The following PCDHA3 variants were observed in gnomAD, a reference collection of about 807,000 sequenced individuals.
PCDHA3 encodes protocadherin alpha-3.
In PCDHA3, 41 loss-of-function variants were observed where a neutral mutation model predicts 62.2. The observed-to-expected ratio is 0.66, with a 90% confidence interval of 0.51 to 0.86. The LOEUF (loss-of-function observed/expected upper bound fraction) is 0.86, where lower values mean the gene tolerates loss of function less well. Ranked by LOEUF, PCDHA3 falls within the 40% of genes least tolerant of loss-of-function variation. The pLI is 0.00. For synonymous variants in PCDHA3, 640 were observed against 555.4 expected (o/e 1.15, Z -2.14); for missense variants, 1,304 against 1,241.2 (o/e 1.05, Z -0.76).
chr5:140,877,719 T>G (rs782112072), intron 1 of PCDHA3: 2 of 1,614,102 alleles, frequency 1.2e-6, no homozygotes, highest in South Asian at 1.1e-5. Context: ...GGAGTTGGTC[T>G]TACTCGCAGC....
chr5:140,806,966 G>T, intron 1 of PCDHA3: 2 of 604,288 alleles, frequency 3.3e-6, no homozygotes. Flanking sequence ...TTCCACAATT[G>T]CTACTTACGG....
chr5:140,913,167 T>C (rs1232000053), intron 1 of PCDHA3, among the ~76,000 whole-genome samples: 1 of 152,196 alleles, frequency 6.6e-6, no homozygotes, highest in Non-Finnish European at 1.5e-5. Flanking sequence ...TTGGTATTAG[T>C]TCTTCTTTAA....
At chr5:140,989,928 A>T (rs2097366853) in intron 3 of PCDHA3, among the ~76,000 whole-genome samples, 1 of 152,032 alleles carries the variant, frequency 6.6e-6, no homozygotes, top group African/African-American at 2.4e-5. Context: ...GCAGAGATAG[A>T]TGACATTCCA....
chr5:140,972,660 AT>A (rs11350929), intron 1 of PCDHA3, among the ~76,000 whole-genome samples: 34,850 of 117,234 alleles, frequency 0.3, 4,025 homozygotes, highest in East Asian at 0.43. Context: ...AAGAAACCAA[AT>A]TTTTTTTTTT....
At chr5:140,829,826 G>A (rs2150175496) in intron 1 of PCDHA3, 2 of 1,613,796 alleles carry the variant, frequency 1.2e-6, no homozygotes, top group South Asian at 1.1e-5. Context: ...TGCAGTGAGC[G>A]AGCTGGTGCC....
At chr5:140,832,345 G>T (rs2150201218) in intron 1 of PCDHA3, among the ~76,000 whole-genome samples, 1,544 of 152,284 alleles carry the variant, frequency 0.01, 30 homozygotes, top group African/African-American at 0.036. Context: ...GTTGTGGTTT[G>T]TGTTTCCTAA....
chr5:140,962,870 T>C (rs558640798), intron 1 of PCDHA3, among the ~76,000 whole-genome samples: 1 of 152,306 alleles, frequency 6.6e-6, no homozygotes, highest in Admixed American at 6.5e-5. Context: ...TAGAGCAACA[T>C]AAATACATGA....
intron 1 of PCDHA3, among the ~76,000 whole-genome samples, chr5:140,903,821 A>G (rs2153482193): frequency 6.6e-6 from 1 of 152,320 alleles, no homozygotes. Context: ...TCTCACATGA[A>G]TGTCTGTTGG....
intron 1 of PCDHA3, among the ~76,000 whole-genome samples, chr5:140,937,575 T>C (rs111558133): frequency 1.8e-3 from 268 of 149,140 alleles, no homozygotes; most frequent in African/African-American, 6.4e-3. Context: ...TGGGATCGCG[T>C]CACTGCACTC....
intron 3 of PCDHA3, among the ~76,000 whole-genome samples, chr5:140,992,231 G>C (rs1234271245): frequency 1.3e-5 from 2 of 152,176 alleles, no homozygotes; most frequent in African/African-American, 4.8e-5. Context: ...CCTGGGAAGA[G>C]TAAGGAAGGA....
At chr5:140,929,093 A>G in intron 1 of PCDHA3, 1 of 1,614,194 alleles carries the variant, frequency 6.2e-7, no homozygotes, top group Non-Finnish European at 8.5e-7. Flanking sequence ...ATGGTTTCAA[A>G]TCCTTGCATG....
At chr5:140,851,466 A>C in intron 1 of PCDHA3, 1 of 895,524 alleles carries the variant, frequency 1.1e-6, no homozygotes, top group Non-Finnish European at 1.4e-6. Context: ...AAATTATGTC[A>C]ATAAATGTTA....
chr5:140,905,120 G>T (rs1191513318), intron 1 of PCDHA3, among the ~76,000 whole-genome samples: 3 of 152,214 alleles, frequency 2.0e-5, no homozygotes, highest in African/African-American at 7.2e-5. Flanking sequence ...CTAAGCCAAT[G>T]TCTAGAAGAG....
At chr5:140,919,358 T>C (rs2153553560) in intron 1 of PCDHA3, among the ~76,000 whole-genome samples, 1 of 152,356 alleles carries the variant, frequency 6.6e-6, no homozygotes, top group East Asian at 1.9e-4. Flanking sequence ...AATCTAAAAG[T>C]GTCTCCTGCA....
intron 1 of PCDHA3, among the ~76,000 whole-genome samples, chr5:140,871,977 C>T (rs533366368): frequency 6.6e-6 from 1 of 152,288 alleles, no homozygotes; most frequent in East Asian, 1.9e-4. Flanking sequence ...CTATGATGTC[C>T]AGGTTGGACT....
chr5:140,830,130 C>G, intron 1 of PCDHA3: 1 of 1,613,418 alleles, frequency 6.2e-7, no homozygotes, highest in Non-Finnish European at 8.5e-7. Flanking sequence ...AAGGCGTCAT[C>G]ACGGGCGTCG....
At chr5:140,897,458 G>A (rs191522392) in intron 1 of PCDHA3, among the ~76,000 whole-genome samples, 7 of 151,428 alleles carry the variant, frequency 4.6e-5, no homozygotes, top group African/African-American at 2.4e-5. Context: ...TTGTCCTTGC[G>A]ATAGTTTACT....
At chr5:140,851,092 A>T (rs371116217) in intron 1 of PCDHA3, 1 of 1,292,902 alleles carries the variant, frequency 7.7e-7, no homozygotes, top group African/African-American at 1.5e-5. Flanking sequence ...TATTAAATAG[A>T]TATTTTTTGG....
chr5:140,824,274 A>C, intron 1 of PCDHA3: 1 of 1,155,556 alleles, frequency 8.7e-7, no homozygotes, highest in Middle Eastern at 2.0e-4. Context: ...CATGTATTAT[A>C]TGCTTTTTAT....
Sources: gnomAD v4.1 joint callset for allele counts (sites outside exome capture counted in the v4.1 genomes callset) on GRCh38, gnomAD v4.1.1 for gene constraint, MANE v1.5 for transcripts, NCBI Gene and HGNC (gene_info 2026-07-23, HGNC 2026-07-21) for gene names.